The following DMRT3 variants were observed in gnomAD, a reference collection of about 807,000 sequenced individuals.
DMRT3 encodes the protein doublesex and mab-3 related transcription factor 3.
DMRT3 carries 29 observed loss-of-function variants against 34.9 expected under a neutral mutation model. The observed-to-expected ratio is 0.83, with a 90% confidence interval of 0.62 to 1.13. The LOEUF is 1.13. Among genes scored for constraint, DMRT3 ranks in the 50% most tolerant of loss-of-function variants. DMRT3 has a pLI of 0.00. For synonymous variants in DMRT3, 350 were observed against 286.0 expected (o/e 1.22, Z -2.26); for missense variants, 772 against 629.1 (o/e 1.23, Z -2.43).
intron 1 of DMRT3, among the ~76,000 whole-genome samples, chr9:987,290 A>C (rs773227266): frequency 3.3e-5 from 5 of 152,154 alleles, no homozygotes; most frequent in Non-Finnish European, 5.9e-5. Flanking sequence ...ATATAAGTAG[A>C]GTCATACAGT....
Position 977,179 on chromosome 9 carries a change from C to T in DMRT3, c.178C>T (p.Leu60Phe). 1.2e-6 allele frequency: 2 copies of T among 1,610,586 alleles called. No homozygotes were observed. The highest frequency in any genetic ancestry group is 1.7e-6 in the Non-Finnish European group (2 of 1,178,732). Reference sequence around the variant, plus strand: ...GGACTGCACCTGCGAGAAGTGCATCCTCATCATCGAGCGGCAGCGGGTCAT... The same window carrying T: ...GGACTGCACCTGCGAGAAGTGCATCTTCATCATCGAGCGGCAGCGGGTCAT... Reference protein sequence around the residue: ...FKDCTCEKCILIIERQRVMAA... With the variant: ...FKDCTCEKCIFIIERQRVMAA... Residue 60 changes from leucine (L) to phenylalanine (F), a missense_variant, in exon 1 of 2, where the codon CTC becomes TTC. Transcript: ENST00000190165.
In DMRT3 at chr9:991,036, C is replaced by T. The variant is rs200646763; in HGVS notation, c.*31C>T. The T allele has an allele frequency of 5.7e-6, 9 of 1,579,134 alleles. No homozygotes were observed. The highest frequency in any genetic ancestry group is 7.8e-6 in the Non-Finnish European group (9 of 1,159,340). ...TGCTGGATGGGTGGTGGCCAGGTGA[C>T]ATTTTCTGTGCGTTTTGACCCTGAG... is the stretch of plus-strand genomic sequence containing the variant. On this transcript the variant is annotated 3_prime_UTR_variant, in exon 2 of 2. Coordinates refer to ENST00000190165, the MANE Select transcript of DMRT3 (RefSeq NM_021240.4).
chr9:981,600 C>T (rs373032796), intron 1 of DMRT3, among the ~76,000 whole-genome samples: 12 of 152,298 alleles, frequency 7.9e-5, no homozygotes, highest in East Asian at 1.9e-4. Flanking sequence ...TGCTGGGGAC[C>T]GGTCTTCCCA....
In DMRT3 at chr9:990,288, C is replaced by G. The variant is rs749839281; in HGVS notation, c.702C>G (p.Gly234=). The part of the protein sequence containing the change: ...HAEQNHLLIE[G]PSGTVSLPFS... ...AGCAGAATCACCTCCTGATTGAGGG[C>G]CCCTCGGGGACTGTTTCTCTGCCCT... Residue 234 remains glycine (G), a synonymous_variant, in exon 2 of 2, where the codon GGC becomes GGG. Coordinates refer to ENST00000190165, the MANE Select transcript of DMRT3 (RefSeq NM_021240.4). 1.2e-6 allele frequency: 2 copies of G among 1,613,820 alleles called. No individual in the cohort carries two copies. The highest frequency in any genetic ancestry group is 1.7e-6 in the Non-Finnish European group (2 of 1,180,026).
At chr9:986,824 G>C (rs1369911147) in intron 1 of DMRT3, among the ~76,000 whole-genome samples, 4 of 149,674 alleles carry the variant, frequency 2.7e-5, no homozygotes, top group Non-Finnish European at 5.9e-5. Flanking sequence ...CCAGGAGGCA[G>C]AGTTTCCAGT....
intron 1 of DMRT3, among the ~76,000 whole-genome samples, chr9:982,679 A>G (rs1394284848): frequency 6.6e-6 from 1 of 152,216 alleles, no homozygotes; most frequent in East Asian, 1.9e-4. Context: ...GAAAAGGAAT[A>G]AATCTTCATA....
chr9:990,251 A>G lies in DMRT3; in HGVS notation c.665A>G (p.Lys222Arg), dbSNP rs1480874545. ...CCCGAGAGCCGCCCTGACAGCCCCA[A>G]GTGTCACGCGGAGCAGAATCACCTC... ...GNPESRPDSPKCHAEQNHLLI... is the reference protein window; with the variant it reads ...GNPESRPDSPRCHAEQNHLLI... Residue 222 changes from lysine (K) to arginine (R), a missense_variant, in exon 2 of 2, where the codon AAG (lysine) becomes AGG (arginine). Coordinates refer to ENST00000190165, the MANE Select transcript of DMRT3 (RefSeq NM_021240.4). 5 of 1,613,940 alleles carry G rather than the reference A, an allele frequency of 3.1e-6. No individual in the cohort carries two copies. The highest frequency in any genetic ancestry group is 4.2e-6 in the Non-Finnish European group (5 of 1,180,014).
In DMRT3 at chr9:977,464, G is replaced by A; in HGVS notation, c.454+9G>A. 4 of 1,281,230 alleles carry A rather than the reference G, an allele frequency of 3.1e-6. No individual in the cohort carries two copies. The highest frequency in any genetic ancestry group is 3.9e-6 in the Non-Finnish European group (4 of 1,013,724). 79.4% of individuals were successfully genotyped at this position (1,281,230 alleles called of 1,614,324 possible). A position where few individuals can be genotyped will look rare whatever the true frequency, so the allele number is the denominator to read the frequency against. Reference sequence around the variant, plus strand: ...GCAGCTCGCCAAGCCAGGTAAGAGCGTCTGAGGTGCGGGAGTTTGGCCGGG... The same window carrying A: ...GCAGCTCGCCAAGCCAGGTAAGAGCATCTGAGGTGCGGGAGTTTGGCCGGG... On this transcript the variant is annotated intron_variant, in intron 1 of 1. Coordinates refer to ENST00000190165, the MANE Select transcript of DMRT3 (RefSeq NM_021240.4).
intron 1 of DMRT3, 126 bp downstream of exon 1, chr9:977,581 C>T: frequency 1.0e-6 from 1 of 956,020 alleles, no homozygotes; most frequent in African/African-American, 1.7e-5. Flanking sequence ...GCTTTCCTTC[C>T]TACTCTCCGC....
At chr9:985,296 A>G (rs1163475223) in intron 1 of DMRT3, among the ~76,000 whole-genome samples, 1 of 152,172 alleles carries the variant, frequency 6.6e-6, no homozygotes, top group East Asian at 1.9e-4. Context: ...ATACCCATCT[A>G]CCGGGGTAAA....
intron 1 of DMRT3, among the ~76,000 whole-genome samples, chr9:984,291 A>T (rs1001301562): frequency 3.3e-5 from 5 of 152,182 alleles, no homozygotes; most frequent in African/African-American, 9.7e-5. Flanking sequence ...GCGTGACATG[A>T]TTTCAAAAGG....
rs937264633 is a variant in DMRT3, at chr9:990,814, C to G, written c.1228C>G (p.Pro410Ala). 35 of 1,614,164 alleles carry G rather than the reference C, an allele frequency of 2.2e-5. No individual in the cohort carries two copies. The highest frequency in any genetic ancestry group is 3.0e-5 in the Non-Finnish European group (35 of 1,180,042). ...TCAGCTGAGGTCCCAGTATGTCAGT[C>G]CTTTCCCCAGTAACTCTACCAGCGT... ...QYQLRSQYVS[P>A]FPSNSTSVFR... Residue 410 changes from proline (P) to alanine (A), a missense_variant, in exon 2 of 2, where the codon CCT becomes GCT. Coordinates refer to ENST00000190165, the MANE Select transcript of DMRT3 (RefSeq NM_021240.4).
At chr9:978,936 T>C (rs1289848116) in intron 1 of DMRT3, among the ~76,000 whole-genome samples, 1 of 152,228 alleles carries the variant, frequency 6.6e-6, no homozygotes, top group East Asian at 1.9e-4. Flanking sequence ...AAAGGTTTTA[T>C]TATTTTTCTC....
intron 1 of DMRT3, 38 bp from the exon 2 acceptor site, chr9:990,003 C>A (rs773580768): frequency 1.9e-6 from 3 of 1,605,786 alleles, no homozygotes; most frequent in Non-Finnish European, 2.5e-6. Context: ...TCTTTATGCA[C>A]ACCAGGAAAA....
chr9:989,929 C>A, intron 1 of DMRT3, 112 bp from the exon 2 acceptor site: 2 of 1,361,096 alleles, frequency 1.5e-6, no homozygotes, highest in South Asian at 1.4e-5. Context: ...TATTATGACC[C>A]ATTGAGATGC....
intron 1 of DMRT3, among the ~76,000 whole-genome samples, chr9:982,112 G>A (rs1820228035): frequency 6.6e-6 from 1 of 152,196 alleles, no homozygotes; most frequent in Admixed American, 6.5e-5. Flanking sequence ...CACTTAACTG[G>A]ACATCCTGTT....
In DMRT3 at chr9:976,962, TC is replaced by T. The variant is rs1256932726; in HGVS notation, c.-37del. ...CGCCGTCCAGCGCTCCCTGGCCCTC[TC>T]CCGCAGCCAGGCTGCCAACTCATTC... On this transcript the variant is annotated 5_prime_UTR_variant, in exon 1 of 2. Transcript: ENST00000190165. The surrounding 1 kb of genome is among the most constrained non-coding windows in gnomAD (Gnocchi z 4.5). The T allele has an allele frequency of 6.3e-6, 9 of 1,430,108 alleles. No homozygotes were observed. Among genetic ancestry groups the T allele is most frequent in the Non-Finnish European group, 8.3e-6 (9 of 1,089,916 alleles). 88.6% of individuals were successfully genotyped at this position (1,430,108 alleles called of 1,614,324 possible).
chr9:990,069 C>G lies in DMRT3; in HGVS notation c.483C>G (p.Gly161=), dbSNP rs141017949. 6.2e-7 allele frequency: 1 copy of G among 1,613,574 alleles called. No individual in the cohort carries two copies. The highest frequency in any genetic ancestry group is 1.3e-5 in the African/African-American group (1 of 74,884). The change falls in exon 2 of 2, where the codon GGC becomes GGG. Residue 161 remains glycine, a synonymous_variant. Coordinates refer to ENST00000190165, the MANE Select transcript of DMRT3 (RefSeq NM_021240.4). The part of the protein sequence containing the change: ...PDLTEERLGD[G]KSADNTEVFS... ...TGACTGAAGAACGACTTGGAGACGG[C>G]AAGTCGGCAGACAATACAGAGGTCT...
intron 1 of DMRT3, chr9:989,736 T>G: frequency 8.8e-6 from 2 of 228,556 alleles, no homozygotes; most frequent in Non-Finnish European, 8.6e-6. Flanking sequence ...AGGCTCTCTA[T>G]TGAGATTGTT....
Sources: gnomAD v4.1 joint callset for allele counts (sites outside exome capture counted in the v4.1 genomes callset) on GRCh38, gnomAD v4.1.1 for gene constraint, Gnocchi (gnomAD v3.1) non-coding constraint, MANE v1.5 for transcripts, NCBI Gene and HGNC (gene_info 2026-07-23, HGNC 2026-07-21) for gene names.